ADGRL3: variants seen among roughly 807,000 people sequenced by gnomAD.
ADGRL3 encodes adhesion G protein-coupled receptor L3, also known as calcium-independent alpha-latrotoxin receptor 3.
ADGRL3 carries 62 observed loss-of-function variants against 153.5 expected under a neutral mutation model. The ratio of observed to expected loss-of-function variants is 0.40; its 90% CI spans 0.33 to 0.50. The LOEUF (loss-of-function observed/expected upper bound fraction) is 0.50, where lower values mean the gene tolerates loss of function less well. ADGRL3 is among the 20% of genes least tolerant of loss of function. The pLI, the probability that ADGRL3 is intolerant of heterozygous loss-of-function variation, is 0.47. For synonymous variants in ADGRL3, 710 were observed against 672.5 expected (o/e 1.06, Z -0.86); for missense variants, 1,641 against 1,859.4 (o/e 0.88, Z 2.16).
chr4:61,305,891 A>G (rs1482680606), intron 1 of ADGRL3, among the ~76,000 whole-genome samples: 2 of 152,122 alleles, frequency 1.3e-5, no homozygotes, highest in African/African-American at 4.8e-5. Flanking sequence ...GTGGAGAACC[A>G]GAGTGCTGCC....
chr4:61,439,811 T>G (rs1483028961), intron 2 of ADGRL3, among the ~76,000 whole-genome samples: 1 of 152,168 alleles, frequency 6.6e-6, no homozygotes, highest in East Asian at 1.9e-4. Context: ...GTATAGATTT[T>G]AGAAAGCATT....
At chr4:61,287,755 A>G (rs2093997421) in intron 1 of ADGRL3, among the ~76,000 whole-genome samples, 1 of 151,856 alleles carries the variant, frequency 6.6e-6, no homozygotes, top group African/African-American at 2.4e-5. Flanking sequence ...TGCCATGAAG[A>G]TGACATGTAC....
chr4:61,321,017 C>T (rs1343401109), intron 1 of ADGRL3, among the ~76,000 whole-genome samples: 3 of 152,190 alleles, frequency 2.0e-5, no homozygotes, highest in African/African-American at 2.4e-5. Context: ...ATACTGCCTT[C>T]TCTCGAGCTC....
At chr4:61,566,238 C>G (rs929703185) in intron 4 of ADGRL3, among the ~76,000 whole-genome samples, 3 of 152,142 alleles carry the variant, frequency 2.0e-5, no homozygotes, top group African/African-American at 7.2e-5. Context: ...TCAGGCGTCT[C>G]CCCTTCGCTT....
At chr4:61,755,277 C>T (rs906290471) in intron 8 of ADGRL3, among the ~76,000 whole-genome samples, 2 of 151,772 alleles carry the variant, frequency 1.3e-5, no homozygotes, top group South Asian at 2.1e-4. Context: ...CTCTCCAGCA[C>T]CTGTTGTTTC....
rs368296670 is a variant in ADGRL3 at position 62,070,492 on chromosome 4, C to G, written c.4216C>G (p.Pro1406Ala). The change falls in exon 27 of 27, where the codon CCA becomes GCA. Residue 1406 changes from proline to alanine, a missense_variant. Physicochemically the swap from Pro to Ala is conservative, Grantham distance 27 (BLOSUM62 -1). Transcript: ENST00000683033. ...GGAATCTGATGCTCCTTTGCTGCCC[C>G]CAAGAGTATACTCCACCGAGAACCA... Reference protein sequence around the residue: ...HEESDAPLLPPRVYSTENHQP... With the variant: ...HEESDAPLLPARVYSTENHQP... The G allele has an allele frequency of 1.3e-5, 20 of 1,547,680 alleles. No individual in the cohort carries two copies. Among genetic ancestry groups the G allele is most frequent in the East Asian group, 7.4e-5 (3 of 40,706 alleles).
rs1474279544 is a variant in ADGRL3 at position 61,368,754 on chromosome 4, A to G, written c.-239-14370A>G. ...TATGAACTTTAAAGTAGTTTTTTCCAATTCTGTGAAGAAAGGCATTGGTAG... is the reference window on the plus strand; with the variant it reads ...TATGAACTTTAAAGTAGTTTTTTCCGATTCTGTGAAGAAAGGCATTGGTAG... On this transcript the variant is annotated intron_variant, in intron 1 of 26. Coordinates refer to ENST00000683033, the MANE Select transcript of ADGRL3 (RefSeq NM_001387552.1). Among the ~76,000 whole-genome samples the G allele has an allele frequency of 5.3e-5, 8 of 152,172 alleles. No homozygotes were observed. The East Asian group carries it at 1.5e-3, about 29-fold the overall frequency.
intron 1 of ADGRL3, among the ~76,000 whole-genome samples, chr4:61,362,312 C>T (rs1045269930): frequency 2.7e-5 from 4 of 149,618 alleles, no homozygotes; most frequent in African/African-American, 7.4e-5. Flanking sequence ...CTGATACGAT[C>T]GAATATTTGA....
intron 9 of ADGRL3, among the ~76,000 whole-genome samples, chr4:61,824,894 T>C (rs372741382): frequency 1.6e-4 from 25 of 152,304 alleles, no homozygotes; most frequent in African/African-American, 6.0e-4. Context: ...TTTAAAGATC[T>C]TCTTTTTTGA....
intron 1 of ADGRL3, among the ~76,000 whole-genome samples, chr4:61,358,756 G>T (rs934048209): frequency 6.6e-6 from 1 of 151,896 alleles, no homozygotes; most frequent in Non-Finnish European, 1.5e-5. Flanking sequence ...TACAAGTTTT[G>T]GAGATTCCCA....
intron 18 of ADGRL3, among the ~76,000 whole-genome samples, chr4:61,981,650 TG>T (rs1489488040): frequency 6.6e-6 from 1 of 151,972 alleles, no homozygotes; most frequent in African/African-American, 2.4e-5. Flanking sequence ...TTATAATTTT[TG>T]TGAGCCAGTT....
chr4:61,727,350 C>T (rs1324041627), intron 6 of ADGRL3, among the ~76,000 whole-genome samples: 3 of 151,890 alleles, frequency 2.0e-5, no homozygotes, highest in African/African-American at 7.3e-5. Context: ...AATATATAAA[C>T]ATATTTATAG....
intron 1 of ADGRL3, among the ~76,000 whole-genome samples, chr4:61,349,184 CAG>C (rs1372245836): frequency 6.6e-6 from 1 of 152,050 alleles, no homozygotes; most frequent in Non-Finnish European, 1.5e-5. Context: ...TTAAAAATAA[CAG>C]AACATTTTGA....
At chr4:62,021,341 C>A (rs953421641) in intron 21 of ADGRL3, among the ~76,000 whole-genome samples, 1 of 152,024 alleles carries the variant, frequency 6.6e-6, no homozygotes, top group African/African-American at 2.4e-5. Context: ...GTGCAATTAG[C>A]GAAACATTGC....
chr4:61,844,152 GT>G (rs1164684216), intron 9 of ADGRL3, among the ~76,000 whole-genome samples: 5 of 151,526 alleles, frequency 3.3e-5, no homozygotes, highest in African/African-American at 1.2e-4. Context: ...CTTCCTATTT[GT>G]TTTTTTCTTT....
At chr4:61,551,579 G>A (rs1014368703) in intron 4 of ADGRL3, among the ~76,000 whole-genome samples, 2 of 152,148 alleles carry the variant, frequency 1.3e-5, no homozygotes, top group Admixed American at 6.5e-5. Context: ...ACTCATGAGA[G>A]TTGGATGTGA....
chr4:61,750,796 G>T, intron 8 of ADGRL3, among the ~76,000 whole-genome samples: 1 of 121,960 alleles, frequency 8.2e-6, no homozygotes, highest in East Asian at 2.2e-4. Context: ...TCTCAAAAAA[G>T]AAAAAAAAAA....
chr4:62,031,976 CACACACACACACACACAT>C (rs1722327688), intron 23 of ADGRL3, among the ~76,000 whole-genome samples: 1 of 138,072 alleles, frequency 7.2e-6, no homozygotes, highest in Admixed American at 7.8e-5. Context: ...CACACACACA[CACACACACACACACACAT>C]GGATATATAT....
chr4:61,864,329 C>T (rs981359811), intron 9 of ADGRL3, among the ~76,000 whole-genome samples: 1 of 152,090 alleles, frequency 6.6e-6, no homozygotes, highest in African/African-American at 2.4e-5. Context: ...AACAATTTCC[C>T]CATTGGATTT....
Sources: allele counts gnomAD v4.1 joint callset (sites outside exome capture counted in the v4.1 genomes callset), GRCh38; gene constraint gnomAD v4.1.1; transcripts MANE v1.5; gene names NCBI Gene and HGNC (gene_info 2026-07-23, HGNC 2026-07-21).